Variants in RGS7 observed in about 807,000 individuals in gnomAD.
The protein encoded by RGS7 is regulator of G protein signaling 7, also known as regulator of G-protein signaling 7.
A neutral mutation model predicts 81.1 loss-of-function variants in RGS7; 27 were observed. The observed-to-expected ratio is 0.33, with a 90% CI of 0.25 to 0.46. RGS7 has a LOEUF of 0.46. Among genes scored for constraint, RGS7 ranks in the 20% least tolerant of loss-of-function variants. The pLI, the probability that RGS7 is intolerant of heterozygous loss-of-function variation, is 1.00. For missense variants in RGS7, 396 were observed against 607.4 expected (o/e 0.65, Z 3.66); for synonymous variants, 208 against 207.7 (o/e 1.00, Z -0.01).
At chr1:241,311,806 CATG>C (rs1459786669) in intron 2 of RGS7, among the ~76,000 whole-genome samples, 1 of 152,168 alleles carries the variant, frequency 6.6e-6, no homozygotes, top group Non-Finnish European at 1.5e-5. Flanking sequence ...CTGACTGTAT[CATG>C]ATATGTGTCC....
chr1:241,292,676 G>T (rs1056909029), intron 2 of RGS7, among the ~76,000 whole-genome samples: 1 of 152,170 alleles, frequency 6.6e-6, no homozygotes, highest in Non-Finnish European at 1.5e-5. Flanking sequence ...TTAACAGTAG[G>T]TAGATCTGTG....
At chr1:241,132,058 G>T (rs896643537) in intron 2 of RGS7, among the ~76,000 whole-genome samples, 1 of 152,118 alleles carries the variant, frequency 6.6e-6, no homozygotes, top group South Asian at 2.1e-4. Context: ...GGTATGTCTC[G>T]CAAAGGACCG....
intron 3 of RGS7, among the ~76,000 whole-genome samples, chr1:241,097,286 T>C (rs946055229): frequency 6.6e-6 from 1 of 151,782 alleles, no homozygotes; most frequent in Non-Finnish European, 1.5e-5. Context: ...CAAGGCATCA[T>C]TGAGAAAAAG....
intron 4 of RGS7, among the ~76,000 whole-genome samples, chr1:240,939,221 T>C (rs1677145139): frequency 6.6e-6 from 1 of 152,102 alleles, no homozygotes; most frequent in Non-Finnish European, 1.5e-5. Flanking sequence ...TCTACTTCCA[T>C]ACATTTGCCT....
At chr1:240,854,154 T>C (rs1572425379) in intron 9 of RGS7, among the ~76,000 whole-genome samples, 3 of 152,104 alleles carry the variant, frequency 2.0e-5, no homozygotes, top group Admixed American at 2.0e-4. Context: ...ACCCTGGTCT[T>C]AAATACCACA....
intron 6 of RGS7, among the ~76,000 whole-genome samples, chr1:240,914,698 A>G (rs1209396609): frequency 6.6e-6 from 1 of 152,178 alleles, no homozygotes; most frequent in Non-Finnish European, 1.5e-5. Flanking sequence ...TGCTCTCTGG[A>G]GTCTGCTCTG....
chr1:240,938,955 G>T (rs553109043), intron 4 of RGS7, among the ~76,000 whole-genome samples: 4 of 152,204 alleles, frequency 2.6e-5, no homozygotes, highest in African/African-American at 9.6e-5. Context: ...TAGTGCCAGG[G>T]TGTCATTGTG....
rs543943483 is a variant in RGS7 at position 241,316,128 on chromosome 1, A to G, written c.78+39571T>C. Among the ~76,000 whole-genome samples, 4 of 152,304 alleles carry G rather than the reference A, an allele frequency of 2.6e-5. 1 individual carries two copies. The highest frequency in any genetic ancestry group is 4.1e-4 in the South Asian group (2 of 4,826). ...ACATCAAGCAAGCAATCAATTCTTG[A>G]GCAGACACTAGCTGTCCTCCAGTAC... On this transcript the variant is annotated intron_variant, in intron 2 of 18. Coordinates refer to ENST00000440928, the MANE Select transcript of RGS7 (RefSeq NM_001364886.1).
chr1:240,814,071 G>C (rs1690363845), intron 12 of RGS7, among the ~76,000 whole-genome samples: 1 of 152,152 alleles, frequency 6.6e-6, no homozygotes, highest in Admixed American at 6.5e-5. Flanking sequence ...CAGCAGAACA[G>C]ATTTTATACA....
intron 18 of RGS7, among the ~76,000 whole-genome samples, chr1:240,782,288 C>T (rs1025260204): frequency 4.6e-5 from 7 of 152,152 alleles, no homozygotes; most frequent in African/African-American, 7.2e-5. Context: ...ACACGTGGTA[C>T]GGTATTTGCA....
intron 2 of RGS7, among the ~76,000 whole-genome samples, chr1:241,148,051 C>CTTTTTTTTTTTTTTTTTTTTTTTTTTTT (rs58632066): frequency 9.2e-6 from 1 of 108,494 alleles, no homozygotes; most frequent in Non-Finnish European, 1.8e-5. Context: ...TTTTCTTTTT[C>CTTTTTTTTTTTTTTTTTTTTTTTTTTTT]TTTTTTTTTT....
chr1:241,220,967 AAGGAAGGAAGGAAGGAAGG>A (rs2074878866), intron 2 of RGS7, among the ~76,000 whole-genome samples: 1 of 51,894 alleles, frequency 1.9e-5, no homozygotes, highest in African/African-American at 5.0e-5. Context: ...GGAAGGAAGG[AAGGAAGGAAGGAAGGAAGG>A]AAGGAAGGAA....
At chr1:240,960,203 TTCC>T (rs1681130196) in intron 4 of RGS7, among the ~76,000 whole-genome samples, 2 of 93,572 alleles carry the variant, frequency 2.1e-5, no homozygotes, top group African/African-American at 8.8e-5. Context: ...TTTCTTCTTC[TTCC>T]TCTTCTTCTT....
chr1:241,086,843 C>T (rs1329499565), intron 3 of RGS7, among the ~76,000 whole-genome samples: 11 of 152,094 alleles, frequency 7.2e-5, no homozygotes, highest in Admixed American at 6.5e-4. Context: ...CAGAGCTCGC[C>T]AGACCCTTTC....
intron 2 of RGS7, among the ~76,000 whole-genome samples, chr1:241,353,720 A>G (rs915107348): frequency 6.6e-6 from 1 of 152,272 alleles, no homozygotes; most frequent in Admixed American, 6.5e-5. Flanking sequence ...AGCTTAATCA[A>G]CAAAATAATC....
chr1:240,935,031 G>A (rs1184934597), intron 5 of RGS7, among the ~76,000 whole-genome samples: 1 of 151,046 alleles, frequency 6.6e-6, no homozygotes, highest in Non-Finnish European at 1.5e-5. Context: ...TGGAATTACA[G>A]GCACATGCCA....
intron 2 of RGS7, among the ~76,000 whole-genome samples, chr1:241,185,480 T>C (rs1389912740): frequency 6.6e-6 from 1 of 152,156 alleles, no homozygotes; most frequent in African/African-American, 2.4e-5. Flanking sequence ...TGAACAACAG[T>C]ACCAATCAAG....
intron 2 of RGS7, among the ~76,000 whole-genome samples, chr1:241,301,306 C>T (rs1338694382): frequency 6.6e-6 from 1 of 152,172 alleles, no homozygotes; most frequent in Non-Finnish European, 1.5e-5. Context: ...AGCATTTACA[C>T]CCATGCACCT....
intron 18 of RGS7, among the ~76,000 whole-genome samples, chr1:240,791,249 T>C (rs531496555): frequency 1.3e-5 from 2 of 152,324 alleles, no homozygotes; most frequent in East Asian, 1.9e-4. Flanking sequence ...GATTGTCCAA[T>C]GTGTGTTCCT....
Sources: gnomAD v4.1 joint callset for allele counts (sites outside exome capture counted in the v4.1 genomes callset) on GRCh38, gnomAD v4.1.1 for gene constraint, MANE v1.5 for transcripts, NCBI Gene and HGNC (gene_info 2026-07-23, HGNC 2026-07-21) for gene names.